Variants in RPL23 observed in about 807,000 individuals in gnomAD.
The protein encoded by RPL23 is ribosomal protein L23, also known as large ribosomal subunit protein uL14.
For missense variants in RPL23, 79 were observed against 178.8 expected (o/e 0.44, Z 3.18); for synonymous variants, 63 against 65.3 (o/e 0.97, Z 0.17).
At chr17:38,851,600 G>C (rs1193015224) in intron 3 of RPL23, 2 of 152,184 alleles carry the variant, frequency 1.3e-5, no homozygotes, top group African/African-American at 4.8e-5. Context: ...CATTTGCTCT[G>C]CTCTTCTCTG....
chr17:38,850,644 A>G (rs1017984385), intron 3 of RPL23, 169 bp from the exon 4 acceptor site: 12 of 575,484 alleles, frequency 2.1e-5, no homozygotes, highest in Non-Finnish European at 3.7e-5. Context: ...ATCTTGGACT[A>G]CAGGTGCACA....
Position 38,848,720 on chromosome 17 carries a change from T to A in RPL23, c.*1412A>T, listed in dbSNP as rs1175176931. The A allele has an allele frequency of 6.6e-6, 1 of 152,082 alleles. No individual in the cohort carries two copies. Among genetic ancestry groups the A allele is most frequent in the African/African-American group, 2.4e-5 (1 of 41,434 alleles). The allele number at this position is 152,082 out of a possible 1,614,324, so 9.4% of individuals were successfully genotyped here. A position where few individuals can be genotyped will look rare whatever the true frequency, so the allele number is the denominator to read the frequency against. On this transcript the variant is annotated 3_prime_UTR_variant, in exon 5 of 5. Coordinates refer to ENST00000479035, the MANE Select transcript of RPL23 (RefSeq NM_000978.4). Reference sequence around the variant, plus strand: ...TTCAAAAGCTCCAGGTTAGAACAACTCCTCTCTAGGTCTGGTACATTCCAT... The same window carrying A: ...TTCAAAAGCTCCAGGTTAGAACAACACCTCTCTAGGTCTGGTACATTCCAT...
rs142592020 is a variant in RPL23, at chr17:38,848,701, A to C, written c.*1431T>G. On this transcript the variant is annotated 3_prime_UTR_variant, in exon 5 of 5. Transcript: ENST00000479035. ...GGTATGGACCGGAAACATTTTCAAA[A>C]GCTCCAGGTTAGAACAACTCCTCTC... 2.8e-4 allele frequency: 42 copies of C among 152,238 alleles called. No homozygotes were observed. The highest frequency in any genetic ancestry group is 8.7e-4 in the African/African-American group (36 of 41,558). The allele number at this position is 152,238 out of a possible 1,614,324, so 9.4% of individuals were successfully genotyped here. A position where few individuals can be genotyped will look rare whatever the true frequency, so the allele number is the denominator to read the frequency against.
intron 3 of RPL23, chr17:38,852,235 A>G (rs1913021533): frequency 5.0e-6 from 1 of 198,466 alleles, no homozygotes; most frequent in African/African-American, 2.4e-5. Context: ...CAAATAATAA[A>G]ATAAGCAACG....
In RPL23 at chr17:38,848,533, G is replaced by C. The variant is rs1006128134; in HGVS notation, c.*1599C>G. 6.5e-6 allele frequency: 1 copy of C among 153,202 alleles called. No homozygotes were observed. The highest frequency in any genetic ancestry group is 2.4e-5 in the African/African-American group (1 of 41,450). 9.5% of individuals were successfully genotyped at this position (153,202 alleles called of 1,614,324 possible). ...TAGGTGTGAGCCACCGTACCCAGGC[G>C]AGATTTAATACTTCTAAAACCAAGC... On this transcript the variant is annotated 3_prime_UTR_variant, in exon 5 of 5. Transcript: ENST00000479035.
rs928810417 is a variant in RPL23 at position 38,848,134 on chromosome 17, T to C, written c.*1998A>G. 2 of 1,396,882 alleles carry C rather than the reference T, an allele frequency of 1.4e-6. No individual in the cohort carries two copies. Among genetic ancestry groups the C allele is most frequent in the Non-Finnish European group, 1.9e-6 (2 of 1,072,224 alleles). The allele number at this position is 1,396,882 out of a possible 1,614,324, so 86.5% of individuals were successfully genotyped here. A position where few individuals can be genotyped will look rare whatever the true frequency, so the allele number is the denominator to read the frequency against. On this transcript the variant is annotated 3_prime_UTR_variant, in exon 5 of 5. Coordinates refer to ENST00000479035, the MANE Select transcript of RPL23 (RefSeq NM_000978.4). The stretch of plus-strand genomic sequence containing the variant: ...ATAAGGATCATATATTGCCATAATA[T>C]ATAAAGACATAAATGGTGGGCCTAG...
chr17:38,853,620 C>G, intron 1 of RPL23, 78 bp downstream of exon 1: 1 of 1,588,448 alleles, frequency 6.3e-7, no homozygotes, highest in Middle Eastern at 1.7e-4. Context: ...CCCCAGCTGC[C>G]TAGGGCCACC....
At position 38,850,188 on chromosome 17, in the gene RPL23, T is replaced by G; in HGVS notation, c.367A>C (p.Lys123Gln). Residue 123 changes from lysine (K) to glutamine (Q), a missense_variant, in exon 5 of 5, where the codon AAG becomes CAG. By Grantham distance (53) the Lys-to-Gln change is moderately conservative (BLOSUM62 1). Transcript: ENST00000479035. ...KGSAITGPVA[K>Q]ECADLWPRIA... ...CGGGGCCACAAGTCTGCACACTCCT[T>G]TGCTACTGGTCCTGTAATGGCAGAA... The G allele has an allele frequency of 6.2e-7, 1 of 1,606,680 alleles. No individual in the cohort carries two copies. Among genetic ancestry groups the G allele is most frequent in the Non-Finnish European group, 8.5e-7 (1 of 1,177,906 alleles).
Position 38,852,721 on chromosome 17 carries a change from G to C in RPL23, c.109C>G (p.Leu37Val). The change falls in exon 3 of 5, where the codon CTG (leucine) becomes GTG (valine). Residue 37 changes from leucine (L) to valine (V), a missense_variant. By Grantham distance (32) the Leu-to-Val change is conservative. Coordinates refer to ENST00000479035, the MANE Select transcript of RPL23 (RefSeq NM_000978.4). ...ATCCCCTTCACGGAGATGATATACA[G>C]GTTTTTGGCTCCTACAAAAGAATGT... ...NCADNTGAKN[L>V]YIISVKGIKG... 1 of 1,614,106 alleles carries C rather than the reference G, an allele frequency of 6.2e-7. No individual in the cohort carries two copies. Among genetic ancestry groups the C allele is most frequent in the Non-Finnish European group, 8.5e-7 (1 of 1,180,026 alleles).
At position 38,850,101 on chromosome 17, in the gene RPL23, T is replaced by C. The variant is rs759813738; in HGVS notation, c.*31A>G. On this transcript the variant is annotated 3_prime_UTR_variant, in exon 5 of 5. Coordinates refer to ENST00000479035, the MANE Select transcript of RPL23 (RefSeq NM_000978.4). ...AATACTTTTTAATGGGTTTAGTTTTTTTTTTTATTTTTTACAAATATACTG... is the reference window on the plus strand; with the variant it reads ...AATACTTTTTAATGGGTTTAGTTTTCTTTTTTATTTTTTACAAATATACTG... The C allele has an allele frequency of 2.0e-6, 3 of 1,507,046 alleles. No homozygotes were observed. The highest frequency in any genetic ancestry group is 2.7e-6 in the Non-Finnish European group (3 of 1,110,062). 93.4% of individuals were successfully genotyped at this position (1,507,046 alleles called of 1,614,324 possible). A position where few individuals can be genotyped will look rare whatever the true frequency, so the allele number is the denominator to read the frequency against.
Position 38,849,583 on chromosome 17 carries a change from G to C in RPL23, c.*549C>G, listed in dbSNP as rs1436603752. The C allele has an allele frequency of 1.3e-5, 2 of 152,286 alleles. No homozygotes were observed. The highest frequency in any genetic ancestry group is 4.8e-5 in the African/African-American group (2 of 41,432). 9.4% of individuals were successfully genotyped at this position (152,286 alleles called of 1,614,324 possible). On this transcript the variant is annotated 3_prime_UTR_variant, in exon 5 of 5. Transcript: ENST00000479035. ...GAACTCCTGACCTCATGATCTGCCT[G>C]CCTTGGCCTCCGAAAGTGTTGGGAT...
At position 38,853,717 on chromosome 17, in the gene RPL23, C is replaced by T. The variant is rs185576254; in HGVS notation, c.-7G>A. On this transcript the variant is annotated 5_prime_UTR_variant, in exon 1 of 5. Coordinates refer to ENST00000479035, the MANE Select transcript of RPL23 (RefSeq NM_000978.4). ...CCTCACCTCGCTTCGACATCTTGAACGCCGGAAAAAAGAAAAAAGGAAGTC... is the reference window on the plus strand; with the variant it reads ...CCTCACCTCGCTTCGACATCTTGAATGCCGGAAAAAAGAAAAAAGGAAGTC... The T allele has an allele frequency of 4.3e-4, 691 of 1,614,036 alleles. 5 individuals carry two copies. The East Asian group carries it at 9.5e-3, about 22-fold the overall frequency.
intron 3 of RPL23, 89 bp downstream of exon 3, chr17:38,852,513 CTT>C: frequency 6.6e-7 from 1 of 1,523,200 alleles, no homozygotes; most frequent in Middle Eastern, 2.4e-4. Context: ...GGAAAACAAA[CTT>C]GAGGCCTTGA....
Position 38,850,059 on chromosome 17 carries a change from G to T in RPL23, c.*73C>A. 8.8e-7 allele frequency: 1 copy of T among 1,138,494 alleles called. No homozygotes were observed. Among genetic ancestry groups the T allele is most frequent in the Non-Finnish European group, 1.3e-6 (1 of 792,450 alleles). 70.5% of individuals were successfully genotyped at this position (1,138,494 alleles called of 1,614,324 possible). ...CTTGAACCCTGGAAGTGAACAGGGA[G>T]ACAAGCACTGCAAACAAATACTTTT... is the stretch of plus-strand genomic sequence containing the variant. On this transcript the variant is annotated 3_prime_UTR_variant, in exon 5 of 5. Coordinates refer to ENST00000479035, the MANE Select transcript of RPL23 (RefSeq NM_000978.4).
Position 38,849,351 on chromosome 17 carries a change from T to C in RPL23, c.*781A>G, listed in dbSNP as rs1349230716. 1.9e-5 allele frequency: 2 copies of C among 102,934 alleles called. No homozygotes were observed. Among genetic ancestry groups the C allele is most frequent in the Non-Finnish European group, 3.8e-5 (2 of 53,290 alleles). 6.4% of individuals were successfully genotyped at this position (102,934 alleles called of 1,614,324 possible). ...TCTATCTTAACTTCAATGCCTTTTTTTGGGGCGGGGGCGGGAACGGAATCT... is the reference window on the plus strand; with the variant it reads ...TCTATCTTAACTTCAATGCCTTTTTCTGGGGCGGGGGCGGGAACGGAATCT... On this transcript the variant is annotated 3_prime_UTR_variant, in exon 5 of 5. Coordinates refer to ENST00000479035, the MANE Select transcript of RPL23 (RefSeq NM_000978.4).
Position 38,852,659 on chromosome 17 carries a change from C to T in RPL23, c.171G>A (p.Val57=). The stretch of plus-strand genomic sequence containing the variant: ...TGACTGTGGCCATCACCATGTCACC[C>T]ACACCAGCAGCGGGAAGTCTGTTCA... The part of the protein sequence containing the change: ...GRLNRLPAAG[V]GDMVMATVKK... Residue 57 remains valine, a synonymous_variant, in exon 3 of 5, where the codon GTG becomes GTA. Transcript: ENST00000479035. 1 of 1,613,388 alleles carries T rather than the reference C, an allele frequency of 6.2e-7. No homozygotes were observed. The highest frequency in any genetic ancestry group is 8.5e-7 in the Non-Finnish European group (1 of 1,180,036).
chr17:38,850,283 CAG>C, intron 4 of RPL23, 69 bp from the exon 5 acceptor site: 1 of 1,551,240 alleles, frequency 6.4e-7, no homozygotes, highest in South Asian at 1.1e-5. Context: ...TCGTCAAACA[CAG>C]AAGATCCTTG....
chr17:38,852,823 T>C (rs778806893), intron 2 of RPL23, 91 bp from the exon 3 acceptor site: 1 of 1,573,922 alleles, frequency 6.4e-7, no homozygotes, highest in Non-Finnish European at 8.7e-7. Context: ...CCAAAGCCCC[T>C]CCCTCCACTC....
chr17:38,853,229 T>C, intron 1 of RPL23, 124 bp from the exon 2 acceptor site: 1 of 763,544 alleles, frequency 1.3e-6, no homozygotes, highest in East Asian at 2.7e-5. Context: ...CGCTATAGAT[T>C]AGCTCGCTCG....
Sources: allele counts gnomAD v4.1 joint callset, GRCh38; gene constraint gnomAD v4.1.1; transcripts MANE v1.5; gene names NCBI Gene and HGNC (gene_info 2026-07-23, HGNC 2026-07-21).